CELSR1: variants seen among roughly 807,000 people sequenced by gnomAD.
The protein encoded by CELSR1 is adhesion G protein-coupled receptor C1.
Under a neutral mutation model 249.1 loss-of-function variants are expected in CELSR1, and 110 were observed. That is an observed-to-expected ratio of 0.44 (90% confidence interval 0.38 to 0.52). CELSR1 has a LOEUF of 0.52. Ranked by LOEUF, CELSR1 falls within the 20% of genes least tolerant of loss-of-function variation. The probability of loss-of-function intolerance (pLI) is 0.00; values close to 1 mark genes in which losing one functional copy is unlikely to be tolerated. For synonymous variants in CELSR1, 2,113 were observed against 1,900.0 expected (o/e 1.11, Z -2.92); for missense variants, 4,109 against 4,296.4 (o/e 0.96, Z 1.22).
At chr22:46,491,708 C>T (rs1298075250) in intron 1 of CELSR1, among the ~76,000 whole-genome samples, 3 of 150,064 alleles carry the variant, frequency 2.0e-5, no homozygotes, top group Non-Finnish European at 2.9e-5. Flanking sequence ...AATCTCAGCT[C>T]ACTGCAATGT....
rs377436090 is a variant in CELSR1, at chr22:46,457,802, C to T, written c.4183+5905G>A. Among the ~76,000 whole-genome samples the T allele has an allele frequency of 5.3e-4, 81 of 152,308 alleles. 1 individual carries two copies. The East Asian group carries it at 0.011, about 21-fold the overall frequency. On this transcript the variant is annotated intron_variant, in intron 2 of 34. Transcript: ENST00000674500. Reference sequence around the variant, plus strand: ...TACCTCGGCGTCCCCTAGGAAGGGGCAGAGGAGACAGGGAAGGGAAGTGTA... The same window carrying T: ...TACCTCGGCGTCCCCTAGGAAGGGGTAGAGGAGACAGGGAAGGGAAGTGTA...
chr22:46,364,647 G>C lies in CELSR1; in HGVS notation c.8644C>G (p.Leu2882Val). The C allele has an allele frequency of 6.2e-7, 1 of 1,612,688 alleles. No homozygotes were observed. The highest frequency in any genetic ancestry group is 1.1e-5 in the South Asian group (1 of 91,084). The change falls in exon 33 of 35, where the codon CTG (leucine) becomes GTG (valine). Residue 2882 changes from leucine (L) to valine (V), a missense_variant. By Grantham distance (32) the Leu-to-Val change is conservative. Around this residue, in one of 7 missense-constraint regions of CELSR1, gnomAD observed 1,805 missense variants for 1,831.6 expected, o/e 0.99. Coordinates refer to ENST00000674500, the MANE Select transcript of CELSR1 (RefSeq NM_001378328.1). ...DSEDPSGKPRLKVETKVSVEL... is the reference protein window; with the variant it reads ...DSEDPSGKPRVKVETKVSVEL... ...ACGCTGACCTTGGTCTCCACCTTCA[G>C]GCGGGGCTTGCCGCTGGGGTCCTCA... is the stretch of plus-strand genomic sequence containing the variant.
At position 46,401,035 on chromosome 22, in the gene CELSR1, G is replaced by A. The variant is rs1255563160; in HGVS notation, c.5227-1133C>T. Reference sequence around the variant, plus strand: ...CAGAATTGCTTGTCTTATTCTACGGGAAAAAGGATCAATCGCTTCATGGAG... The same window carrying A: ...CAGAATTGCTTGTCTTATTCTACGGAAAAAAGGATCAATCGCTTCATGGAG... On this transcript the variant is annotated intron_variant, in intron 9 of 34. Transcript: ENST00000674500. This position sits in a 1 kb window ranked among gnomAD's most constrained non-coding sequence, Gnocchi z 4.7. 6.6e-6 allele frequency among the ~76,000 whole-genome samples: 1 copy of A among 152,130 alleles called. No homozygotes were observed. The highest frequency in any genetic ancestry group is 1.5e-5 in the Non-Finnish European group (1 of 68,026).
At chr22:46,432,715 G>A (rs1393423365) in intron 5 of CELSR1, among the ~76,000 whole-genome samples, 1 of 152,224 alleles carries the variant, frequency 6.6e-6, no homozygotes, top group Non-Finnish European at 1.5e-5. Context: ...TCCAGGTACA[G>A]TGGACGATTT....
rs2079188034 is a variant in CELSR1 at position 46,399,550 on chromosome 22, G to C, written c.5412+167C>G. Among the ~76,000 whole-genome samples the C allele has an allele frequency of 6.6e-6, 1 of 152,228 alleles. No individual in the cohort carries two copies. The highest frequency in any genetic ancestry group is 2.4e-5 in the African/African-American group (1 of 41,458). Reference sequence around the variant, plus strand: ...GATGAAGGAGGTGAGGAAGATGCCAGTGACCTCAGTACAGGGCAGAACAGA... The same window carrying C: ...GATGAAGGAGGTGAGGAAGATGCCACTGACCTCAGTACAGGGCAGAACAGA... On this transcript the variant is annotated intron_variant, in intron 10 of 34. Transcript: ENST00000674500. This position sits in a 1 kb window ranked among gnomAD's most constrained non-coding sequence, Gnocchi z 5.0.
Position 46,382,060 on chromosome 22 carries a change from G to A in CELSR1, c.6884-10C>T, listed in dbSNP as rs1242690185. On this transcript the variant is annotated splice_polypyrimidine_tract_variant and intron_variant, in intron 20 of 34. Transcript: ENST00000674500. ...CTCAGCAGGGGGCCTTCTGCAATGT[G>A]AGCAGAAGGTGAGGACTCTGGCAGG... The A allele has an allele frequency of 1.3e-6, 2 of 1,517,274 alleles. No individual in the cohort carries two copies. Among genetic ancestry groups the A allele is most frequent in the South Asian group, 2.5e-5 (2 of 81,332 alleles). 94.0% of individuals were successfully genotyped at this position (1,517,274 alleles called of 1,614,324 possible). A position where few individuals can be genotyped will look rare whatever the true frequency, so the allele number is the denominator to read the frequency against.
At chr22:46,480,475 C>T (rs1217283332) in intron 1 of CELSR1, among the ~76,000 whole-genome samples, 3 of 152,204 alleles carry the variant, frequency 2.0e-5, no homozygotes, top group Non-Finnish European at 2.9e-5. Context: ...TTAAAATCAA[C>T]TTGTATGCCC....
At position 46,523,685 on chromosome 22, in the gene CELSR1, G is replaced by A. The variant is rs558675425; in HGVS notation, c.3544+9942C>T. On this transcript the variant is annotated intron_variant, in intron 1 of 34. Transcript: ENST00000674500. ...ACAATGCAGCTTCTCTGAGCTGGAA[G>A]GCCCCTCAACAGGTGCGTCAGCCCC... Among the ~76,000 whole-genome samples the A allele has an allele frequency of 1.4e-3, 213 of 152,214 alleles. 1 individual carries two copies. The highest frequency in any genetic ancestry group is 4.9e-3 in the African/African-American group (204 of 41,520).
chr22:46,472,579 C>G lies in CELSR1; in HGVS notation c.3545-8234G>C, dbSNP rs565722477. 6.6e-6 allele frequency among the ~76,000 whole-genome samples: 1 copy of G among 152,170 alleles called. No individual in the cohort carries two copies. Among genetic ancestry groups the G allele is most frequent in the Non-Finnish European group, 1.5e-5 (1 of 68,036 alleles). On this transcript the variant is annotated intron_variant, in intron 1 of 34. Transcript: ENST00000674500. This position sits in a 1 kb window ranked among gnomAD's most constrained non-coding sequence, Gnocchi z 7.0. ...GGGGACAGGCCTCCTGAGAGCACAA[C>G]GCATGAAAAGCAGCAAAACCAGCAA... is the stretch of plus-strand genomic sequence containing the variant.
At chr22:46,478,582 G>A (rs1012027773) in intron 1 of CELSR1, among the ~76,000 whole-genome samples, 4 of 150,516 alleles carry the variant, frequency 2.7e-5, no homozygotes, top group East Asian at 3.9e-4. Flanking sequence ...TCACACTGTC[G>A]CCCAGTCTAA....
rs201744248 is a variant in CELSR1 at position 46,399,672 on chromosome 22, C to T, written c.5412+45G>A. 6.3e-4 allele frequency: 996 copies of T among 1,588,168 alleles called. No individual in the cohort carries two copies. Among genetic ancestry groups the T allele is most frequent in the Non-Finnish European group, 8.0e-4 (921 of 1,157,950 alleles). ...GGGGTCATTCTGTTTTTCCCTGGGC[C>T]GGAGGAAGGGTCTATCCCCAGAGGA... is the stretch of plus-strand genomic sequence containing the variant. On this transcript the variant is annotated intron_variant, in intron 10 of 34. Transcript: ENST00000674500. This position sits in a 1 kb window ranked among gnomAD's most constrained non-coding sequence, Gnocchi z 5.0.
chr22:46,373,102 C>A, intron 24 of CELSR1, 45 bp from the exon 25 acceptor site: 1 of 1,527,048 alleles, frequency 6.5e-7, no homozygotes, highest in South Asian at 1.3e-5. Flanking sequence ...GCATCCCAGG[C>A]TGAGGTCAGA....
At position 46,390,410 on chromosome 22, in the gene CELSR1, G is replaced by T; in HGVS notation, c.6327C>A (p.Phe2109Leu). 1 of 1,613,514 alleles carries T rather than the reference G, an allele frequency of 6.2e-7. No individual in the cohort carries two copies. The highest frequency in any genetic ancestry group is 8.5e-7 in the Non-Finnish European group (1 of 1,179,754). ...CCCCTACCATGGCCCTGAGGTCCAC[G>T]AAGGAGATGGTGGTACAGTTAAAGA... ...PELFNCTTIS[F>L]VDLRAMNEKL... The change falls in exon 17 of 35, where the codon TTC (phenylalanine) becomes TTA (leucine). Residue 2109 changes from phenylalanine (F) to leucine (L), a missense_variant. Transcript: ENST00000674500. The surrounding 1 kb of genome is among the most constrained non-coding windows in gnomAD (Gnocchi z 6.3).
Position 46,518,639 on chromosome 22 carries a change from CGGTG to C in CELSR1, c.3544+14984_3544+14987del, listed in dbSNP as rs1472435686. On this transcript the variant is annotated intron_variant, in intron 1 of 34. Transcript: ENST00000674500. The surrounding 1 kb of genome is among the most constrained non-coding windows in gnomAD (Gnocchi z 5.2). ...ATATAAATTAAGATGGGGCCAGGCACGGTGGCCCACGCCTGTAATCCGAGTGTGG... is the reference window on the plus strand; with the variant it reads ...ATATAAATTAAGATGGGGCCAGGCACGCCCACGCCTGTAATCCGAGTGTGG... Among the ~76,000 whole-genome samples the C allele has an allele frequency of 6.6e-6, 1 of 152,208 alleles. No homozygotes were observed. The highest frequency in any genetic ancestry group is 1.5e-5 in the Non-Finnish European group (1 of 68,020).
At position 46,534,448 on chromosome 22, in the gene CELSR1, G is replaced by C. The variant is rs757777807; in HGVS notation, c.2723C>G (p.Ser908Trp). ...GGCAGAGACCTGGAGGATGCTGGTC[G>C]AGGGTGGAGCATCCTCAAAGATGGA... ...QGSIFEDAPP[S>W]TSILQVSATD... is the part of the protein sequence containing the mutation. Residue 908 changes from serine (S) to tryptophan (W), a missense_variant, in exon 1 of 35, where the codon TCG (serine) becomes TGG (tryptophan). Physicochemically the swap from Ser to Trp is radical, Grantham distance 177. Around this residue, in one of 7 missense-constraint regions of CELSR1, gnomAD observed 886 missense variants for 896.5 expected, o/e 0.99. Coordinates refer to ENST00000674500, the MANE Select transcript of CELSR1 (RefSeq NM_001378328.1). The surrounding 1 kb of genome is among the most constrained non-coding windows in gnomAD (Gnocchi z 9.7). 1 of 1,613,020 alleles carries C rather than the reference G, an allele frequency of 6.2e-7. No individual in the cohort carries two copies. The highest frequency in any genetic ancestry group is 8.5e-7 in the Non-Finnish European group (1 of 1,180,014).
chr22:46,507,187 A>G (rs569290403), intron 1 of CELSR1, among the ~76,000 whole-genome samples: 1 of 152,290 alleles, frequency 6.6e-6, no homozygotes, highest in African/African-American at 2.4e-5. Context: ...ACTCTGTCTA[A>G]AAAAGAAAAC....
chr22:46,529,062 G>A (rs1191275143), intron 1 of CELSR1, among the ~76,000 whole-genome samples: 16 of 151,478 alleles, frequency 1.1e-4, no homozygotes, highest in East Asian at 2.0e-4. Context: ...TCAGGAGATC[G>A]ACACCATCTT....
intron 1 of CELSR1, among the ~76,000 whole-genome samples, chr22:46,467,866 C>A (rs2080113837): frequency 6.6e-6 from 1 of 151,954 alleles, no homozygotes; most frequent in African/African-American, 2.4e-5. Context: ...GCAGCGACTC[C>A]TACAAAGGAT....
At chr22:46,372,492 T>C (rs1282357167) in intron 25 of CELSR1, among the ~76,000 whole-genome samples, 4 of 53,462 alleles carry the variant, frequency 7.5e-5, no homozygotes, top group Non-Finnish European at 1.4e-4. Flanking sequence ...TTACCCCCCA[T>C]CCATCCATCC....
Sources: allele counts gnomAD v4.1 joint callset (sites outside exome capture counted in the v4.1 genomes callset), GRCh38; gene constraint gnomAD v4.1.1; regional missense constraint gnomAD v4.1.1; non-coding constraint Gnocchi (gnomAD v3.1); transcripts MANE v1.5; gene names NCBI Gene and HGNC (gene_info 2026-07-23, HGNC 2026-07-21).